The following SLC9C2 variants were observed in gnomAD, a reference collection of about 807,000 sequenced individuals.
SLC9C2 encodes sodium/hydrogen exchanger 11.
Under a neutral mutation model 140.2 loss-of-function variants are expected in SLC9C2, and 75 were observed. The observed-to-expected ratio is 0.53, with a 90% CI of 0.44 to 0.65. The LOEUF is 0.65. Ranked by LOEUF, SLC9C2 falls within the 30% of genes least tolerant of loss-of-function variation. SLC9C2 has a pLI of 0.00. For missense variants in SLC9C2, 1,074 were observed against 1,331.8 expected, an observed-to-expected ratio of 0.81 and a Z score of 3.01; for synonymous variants, 375 against 420.9, an observed-to-expected ratio of 0.89 and a Z score of 1.34.
At chr1:173,548,599 C>T (rs369516375) in intron 11 of SLC9C2, 47 bp from the exon 12 acceptor site, 3 of 1,604,508 alleles carry the variant, frequency 1.9e-6, no homozygotes, top group African/African-American at 1.3e-5. Flanking sequence ...ACAGTGAGGA[C>T]TGCAAGGGAA....
intron 14 of SLC9C2, among the ~76,000 whole-genome samples, chr1:173,536,321 C>T (rs983609409): frequency 5.9e-5 from 9 of 152,200 alleles, no homozygotes; most frequent in Non-Finnish European, 1.3e-4. Flanking sequence ...AAATAGATTA[C>T]CTGGCTGCTG....
chr1:173,539,321 G>A lies in SLC9C2; in HGVS notation c.1558-2282C>T, dbSNP rs571756424. Among the ~76,000 whole-genome samples, 17 of 152,274 alleles carry A rather than the reference G, an allele frequency of 1.1e-4. 1 individual carries two copies. In the South Asian group the frequency reaches 2.7e-3, roughly 24 times the overall value. On this transcript the variant is annotated intron_variant, in intron 13 of 27. Coordinates refer to ENST00000367714, the MANE Select transcript of SLC9C2 (RefSeq NM_178527.4). ...ACAAGGGGACCAATTGAAAGTTATCGTCTGGACAAGAGATTATGACGGCCT... is the reference window on the plus strand; with the variant it reads ...ACAAGGGGACCAATTGAAAGTTATCATCTGGACAAGAGATTATGACGGCCT...
intron 14 of SLC9C2, 79 bp from the exon 15 acceptor site, chr1:173,536,028 T>A: frequency 7.9e-7 from 1 of 1,269,112 alleles, no homozygotes; most frequent in Non-Finnish European, 1.1e-6. Flanking sequence ...GGGGAAGGTG[T>A]ACTAAGTATA....
At chr1:173,588,731 A>G (rs1665993968) in intron 4 of SLC9C2, among the ~76,000 whole-genome samples, 1 of 152,088 alleles carries the variant, frequency 6.6e-6, no homozygotes. Flanking sequence ...CTTTCTCTTA[A>G]TATTCCTGTA....
rs1035434247 is a variant in SLC9C2, at chr1:173,576,872, C to T, written c.803-112G>A. ...GGGAATCTTAAGAGAAGTAGTAGTT[C>T]TTAGAAGGTTGCTTCAAGGGATTGA... On this transcript the variant is annotated intron_variant, in intron 7 of 27. Transcript: ENST00000367714. 5.5e-6 allele frequency: 4 copies of T among 727,234 alleles called. No individual in the cohort carries two copies. In the Admixed American group the frequency reaches 1.3e-4, roughly 24 times the overall value. 45.0% of individuals were successfully genotyped at this position (727,234 alleles called of 1,614,324 possible).
At chr1:173,571,267 G>A (rs1664827327) in intron 9 of SLC9C2, among the ~76,000 whole-genome samples, 1 of 152,124 alleles carries the variant, frequency 6.6e-6, no homozygotes, top group Non-Finnish European at 1.5e-5. Context: ...AACTCACAAA[G>A]GTATTCATAC....
At chr1:173,518,087 C>T (rs1466157745) in intron 22 of SLC9C2, among the ~76,000 whole-genome samples, 7 of 151,952 alleles carry the variant, frequency 4.6e-5, no homozygotes, top group African/African-American at 7.2e-5. Context: ...GGTGAAACCC[C>T]GTCTCTGCTA....
chr1:173,578,689 T>C (rs1665334482), intron 7 of SLC9C2, among the ~76,000 whole-genome samples: 1 of 152,172 alleles, frequency 6.6e-6, no homozygotes, highest in South Asian at 2.1e-4. Context: ...GGAGATTCTG[T>C]CCCAGGCCTC....
At chr1:173,538,302 G>A (rs1372099819) in intron 13 of SLC9C2, among the ~76,000 whole-genome samples, 1 of 152,198 alleles carries the variant, frequency 6.6e-6, no homozygotes, top group Non-Finnish European at 1.5e-5. Flanking sequence ...CAGAAGTTCA[G>A]TCCTGAGGCC....
chr1:173,574,806 G>C (rs758147881), intron 8 of SLC9C2, among the ~76,000 whole-genome samples: 1 of 151,932 alleles, frequency 6.6e-6, no homozygotes, highest in African/African-American at 2.4e-5. Context: ...CACCGCACCC[G>C]GCCTGAGTTA....
At chr1:173,581,795 T>G in intron 7 of SLC9C2, 52 bp downstream of exon 7, 1 of 1,380,412 alleles carries the variant, frequency 7.2e-7, no homozygotes, top group Non-Finnish European at 9.6e-7. Flanking sequence ...AAAATAAACA[T>G]GTATAAAACT....
At chr1:173,562,413 T>G (rs1425053724) in intron 9 of SLC9C2, among the ~76,000 whole-genome samples, 1 of 152,236 alleles carries the variant, frequency 6.6e-6, no homozygotes, top group African/African-American at 2.4e-5. Flanking sequence ...TTATTAATTT[T>G]AAATATTCTT....
At chr1:173,602,263 T>G (rs1336181040) in intron 1 of SLC9C2, among the ~76,000 whole-genome samples, 3 of 152,184 alleles carry the variant, frequency 2.0e-5, no homozygotes, top group African/African-American at 7.2e-5. Context: ...GGAAGGAGCA[T>G]GGATAAATGT....
chr1:173,596,906 C>A (rs981901653), intron 4 of SLC9C2, among the ~76,000 whole-genome samples: 2 of 151,920 alleles, frequency 1.3e-5, no homozygotes, highest in African/African-American at 4.8e-5. Context: ...CTTGTAGACA[C>A]TTAATAACAA....
At chr1:173,589,739 T>C (rs1336378644) in intron 4 of SLC9C2, among the ~76,000 whole-genome samples, 1 of 152,184 alleles carries the variant, frequency 6.6e-6, no homozygotes, top group Non-Finnish European at 1.5e-5. Context: ...GGGAAACTTA[T>C]AACATTAAAT....
At chr1:173,540,616 T>C (rs1216723389) in intron 13 of SLC9C2, among the ~76,000 whole-genome samples, 1 of 152,168 alleles carries the variant, frequency 6.6e-6, no homozygotes, top group African/African-American at 2.4e-5. Flanking sequence ...CTGGCCAGGC[T>C]GTCACCTGAG....
At chr1:173,521,543 T>G (rs1660827200) in intron 21 of SLC9C2, 144 bp from the exon 22 acceptor site, 1 of 262,384 alleles carries the variant, frequency 3.8e-6, no homozygotes, top group East Asian at 5.6e-5. Flanking sequence ...TATATGATTT[T>G]AAAGCTAAAA....
chr1:173,546,352 C>CTCTA (rs1374365311), intron 13 of SLC9C2, among the ~76,000 whole-genome samples: 7 of 152,078 alleles, frequency 4.6e-5, no homozygotes, highest in African/African-American at 1.7e-4. Context: ...GGCCAACGTG[C>CTCTA]CAAAACCTCA....
chr1:173,599,695 C>T (rs1454415227), intron 3 of SLC9C2, among the ~76,000 whole-genome samples: 1 of 152,014 alleles, frequency 6.6e-6, no homozygotes, highest in Non-Finnish European at 1.5e-5. Context: ...CCTCCATCTC[C>T]TCCGTTCAAG....
Sources: gnomAD v4.1 joint callset for allele counts (sites outside exome capture counted in the v4.1 genomes callset) on GRCh38, gnomAD v4.1.1 for gene constraint, MANE v1.5 for transcripts, NCBI Gene and HGNC (gene_info 2026-07-23, HGNC 2026-07-21) for gene names.